CD48: variants seen among roughly 807,000 people sequenced by gnomAD.
CD48 encodes the protein CD48 antigen.
CD48 carries 20 observed loss-of-function variants against 22.0 expected under a neutral mutation model. That is an observed-to-expected ratio of 0.91 (90% CI 0.64 to 1.32). The LOEUF is 1.32. Ranked by LOEUF, CD48 falls within the 40% of genes most tolerant of loss-of-function variation. The pLI, the probability that CD48 is intolerant of heterozygous loss-of-function variation, is 0.00. For missense variants in CD48, 307 were observed against 286.5 expected, an observed-to-expected ratio of 1.07 and a Z score of -0.52; for synonymous variants, 110 against 110.1, an observed-to-expected ratio of 1.00 and a Z score of 0.01.
chr1:160,703,571 T>C (rs1368121165), intron 1 of CD48, among the ~76,000 whole-genome samples: 1 of 152,062 alleles, frequency 6.6e-6, no homozygotes, highest in Non-Finnish European at 1.5e-5. Context: ...GATCCCTACC[T>C]TAACAGAGCT....
intron 1 of CD48, chr1:160,699,711 C>T (rs1399627069): frequency 1.3e-5 from 2 of 152,014 alleles, no homozygotes; most frequent in Non-Finnish European, 2.9e-5. Flanking sequence ...TCTAAAAGCA[C>T]AGCACTTGAT....
chr1:160,685,955 C>T (rs527365889), intron 1 of CD48, among the ~76,000 whole-genome samples: 16 of 152,280 alleles, frequency 1.1e-4, no homozygotes, highest in South Asian at 8.3e-4. Flanking sequence ...AGACTGACTG[C>T]GGGAAACCCA....
intron 1 of CD48, among the ~76,000 whole-genome samples, chr1:160,698,100 T>C (rs547423548): frequency 6.6e-6 from 1 of 152,304 alleles, no homozygotes; most frequent in East Asian, 1.9e-4. Flanking sequence ...TTTTATACTA[T>C]CGACCTAAAT....
intron 1 of CD48, among the ~76,000 whole-genome samples, chr1:160,693,352 A>G (rs200822811): frequency 0.085 from 5,786 of 68,206 alleles, no homozygotes; most frequent in African/African-American, 0.18. Flanking sequence ...CTGAGTGTCA[A>G]TCAGCCATTA....
intron 1 of CD48, among the ~76,000 whole-genome samples, chr1:160,703,751 T>A (rs751959852): frequency 7.9e-5 from 12 of 152,052 alleles, no homozygotes; most frequent in Non-Finnish European, 1.5e-4. Flanking sequence ...TATAAGGTGA[T>A]AAGTAGGTCA....
In CD48 at chr1:160,702,126, C is replaced by T. The variant is rs139915387; in HGVS notation, c.82+9556G>A. Among the ~76,000 whole-genome samples the T allele has an allele frequency of 2.5e-3, 374 of 152,208 alleles. 5 individuals carry two copies. Among genetic ancestry groups the T allele is most frequent in the Middle Eastern group, 0.014 (4 of 294 alleles). ...ATCAACAGAATCAGAATTAATGAGA[C>T]CAGTATGAATGGTGAATCCTTTAGC... On this transcript the variant is annotated intron_variant, in intron 1 of 3. Transcript: ENST00000368046.
At chr1:160,680,892 T>A in intron 3 of CD48, 2 of 1,404,780 alleles carry the variant, frequency 1.4e-6, no homozygotes, top group Non-Finnish European at 1.8e-6. Flanking sequence ...TTCAGTCTAC[T>A]CTATGATGAC....
intron 1 of CD48, among the ~76,000 whole-genome samples, chr1:160,707,262 T>C (rs969518676): frequency 6.6e-6 from 1 of 152,106 alleles, no homozygotes; most frequent in African/African-American, 2.4e-5. Flanking sequence ...TCTTCAGACG[T>C]TGCAATTTGA....
Position 160,678,948 on chromosome 1 carries a change from T to C in CD48, c.*104A>G. ...AATCCTCGTTGATAATTCAGCAGCA[T>C]GCTTCTGGTCAGCCTATACAGTCTC... On this transcript the variant is annotated 3_prime_UTR_variant, in exon 4 of 4. Coordinates refer to ENST00000368046, the MANE Select transcript of CD48 (RefSeq NM_001778.4). 1.3e-6 allele frequency: 1 copy of C among 770,828 alleles called. No individual in the cohort carries two copies. The highest frequency in any genetic ancestry group is 2.3e-5 in the Admixed American group (1 of 43,960). 47.7% of individuals were successfully genotyped at this position (770,828 alleles called of 1,614,324 possible).
intron 1 of CD48, among the ~76,000 whole-genome samples, chr1:160,693,337 C>T (rs1662296512): frequency 6.6e-6 from 1 of 152,266 alleles, no homozygotes; most frequent in Non-Finnish European, 1.5e-5. Context: ...ACGAAAACGC[C>T]AATCCTGAGT....
chr1:160,694,097 C>A lies in CD48; in HGVS notation c.83-8908G>T, dbSNP rs1002061104. On this transcript the variant is annotated intron_variant, in intron 1 of 3. Transcript: ENST00000368046. ...TCTAAATCTAAAAGGAGTTCAAATT[C>A]ATACTGGTGTGGTTGATTCAGACTA... Among the ~76,000 whole-genome samples, 44 of 152,364 alleles carry A rather than the reference C, an allele frequency of 2.9e-4. 2 individuals carry two copies. Among genetic ancestry groups the A allele is most frequent in the African/African-American group, 1.1e-3 (44 of 41,586 alleles).
At chr1:160,689,930 A>T (rs766944219) in intron 1 of CD48, among the ~76,000 whole-genome samples, 3 of 152,246 alleles carry the variant, frequency 2.0e-5, no homozygotes, top group Admixed American at 1.3e-4. Context: ...TTTTGCCTGT[A>T]TAATGGCGTT....
chr1:160,704,739 T>C (rs1311518987), intron 1 of CD48, among the ~76,000 whole-genome samples: 2 of 152,238 alleles, frequency 1.3e-5, no homozygotes, highest in African/African-American at 4.8e-5. Flanking sequence ...TTTATTCTAA[T>C]TGAATTTATT....
At chr1:160,683,243 T>G (rs1017281546) in intron 2 of CD48, among the ~76,000 whole-genome samples, 2 of 152,210 alleles carry the variant, frequency 1.3e-5, no homozygotes, top group African/African-American at 4.8e-5. Flanking sequence ...GCTGATGGAA[T>G]TAATTGAGCC....
intron 1 of CD48, among the ~76,000 whole-genome samples, chr1:160,695,324 C>T (rs76479859): frequency 0.024 from 3,092 of 130,528 alleles, no homozygotes; most frequent in Non-Finnish European, 0.032. Context: ...ATTTTATGTG[C>T]TGCAGAAACG....
intron 1 of CD48, among the ~76,000 whole-genome samples, chr1:160,685,545 G>A (rs943317148): frequency 6.6e-6 from 1 of 152,174 alleles, no homozygotes; most frequent in Non-Finnish European, 1.5e-5. Context: ...CTGGTCTTGT[G>A]TTTCCTGTCT....
Position 160,685,002 on chromosome 1 carries a change from C to T in CD48, c.270G>A (p.Gln90=), listed in dbSNP as rs35979150. Residue 90 remains glutamine (Q), a synonymous_variant, in exon 2 of 4, where the codon CAG becomes CAA. Transcript: ENST00000368046. ...CCTTAGAGATGTACAGTGCGCCACT[C>T]TGAGGATCAAGTCTGACCCTGCCTT... The part of the protein sequence containing the change: ...KFKGRVRLDP[Q]SGALYISKVQ... 2.8e-3 allele frequency: 4,545 copies of T among 1,614,192 alleles called. 103 individuals carry two copies. In the African/African-American group the frequency reaches 0.051, roughly 18 times the overall value.
chr1:160,708,278 G>A (rs763068555), intron 1 of CD48, among the ~76,000 whole-genome samples: 10 of 152,196 alleles, frequency 6.6e-5, no homozygotes, highest in Non-Finnish European at 1.2e-4. Context: ...TAGCAAGTGA[G>A]CTCATTATGA....
chr1:160,698,561 G>A (rs1176145401), intron 1 of CD48, among the ~76,000 whole-genome samples: 1 of 152,052 alleles, frequency 6.6e-6, no homozygotes, highest in Admixed American at 6.6e-5. Flanking sequence ...TCAAAAATTG[G>A]CAAGTCAAAT....
Sources: allele counts gnomAD v4.1 joint callset (sites outside exome capture counted in the v4.1 genomes callset), GRCh38; gene constraint gnomAD v4.1.1; transcripts MANE v1.5; gene names NCBI Gene and HGNC (gene_info 2026-07-23, HGNC 2026-07-21).